LINGO2: variants seen among roughly 807,000 people sequenced by gnomAD.
LINGO2 encodes leucine-rich repeat and immunoglobulin-like domain-containing nogo receptor-interacting protein 2.
LINGO2 carries 14 observed loss-of-function variants against 30.6 expected under a neutral mutation model. The ratio of observed to expected loss-of-function variants is 0.46; its 90% CI spans 0.30 to 0.72. The LOEUF (loss-of-function observed/expected upper bound fraction) is 0.72, where lower values mean the gene tolerates loss of function less well. Ranked by LOEUF, LINGO2 falls within the 30% of genes least tolerant of loss-of-function variation. The probability of loss-of-function intolerance (pLI) is 0.07; values close to 1 mark genes in which losing one functional copy is unlikely to be tolerated. For missense variants in LINGO2, 729 were observed against 751.7 expected, an observed-to-expected ratio of 0.97 and a Z score of 0.35; for synonymous variants, 317 against 288.5, an observed-to-expected ratio of 1.10 and a Z score of -1.00.
At chr9:28,322,438 T>TACACACACAC (rs61397051) in intron 3 of LINGO2, among the ~76,000 whole-genome samples, 2 of 150,580 alleles carry the variant, frequency 1.3e-5, no homozygotes, top group African/African-American at 4.9e-5. Context: ...AGGCACTCAG[T>TACACACACAC]ACACACACAC....
chr9:28,275,946 G>A (rs1355807804), intron 4 of LINGO2, among the ~76,000 whole-genome samples: 1 of 152,088 alleles, frequency 6.6e-6, no homozygotes, highest in East Asian at 1.9e-4. Flanking sequence ...ATTTGATCTG[G>A]AGTTCTGGCT....
At chr9:29,033,939 G>A in the LINGO2 span, among the ~76,000 whole-genome samples, 1 of 151,828 alleles carries the variant, frequency 6.6e-6, no homozygotes, top group Non-Finnish European at 1.5e-5. Context: ...AAAATTAGCT[G>A]GGCATGGTGG....
At chr9:28,991,885 C>A in the LINGO2 span, among the ~76,000 whole-genome samples, 38 of 151,344 alleles carry the variant, frequency 2.5e-4, no homozygotes, top group African/African-American at 8.5e-4. Context: ...CGGAAAGGAA[C>A]AATCGGTACC....
intron 2 of LINGO2, among the ~76,000 whole-genome samples, chr9:28,437,044 A>G (rs1823976463): frequency 6.6e-6 from 1 of 152,194 alleles, no homozygotes; most frequent in African/African-American, 2.4e-5. Context: ...ACTTGACTGC[A>G]TTAAGGAATA....
At chr9:28,003,332 T>C (rs1197921) in intron 5 of LINGO2, among the ~76,000 whole-genome samples, 1,504 of 135,344 alleles carry the variant, frequency 0.011, 30 homozygotes, top group African/African-American at 0.041. Flanking sequence ...ACCATATAGA[T>C]ATATAGATAT....
At chr9:28,773,830 T>C in the LINGO2 span, among the ~76,000 whole-genome samples, 1 of 152,098 alleles carries the variant, frequency 6.6e-6, no homozygotes. Context: ...AATGTGGATG[T>C]TTTTCAGTCC....
the LINGO2 span, among the ~76,000 whole-genome samples, chr9:29,009,096 T>C: frequency 6.6e-6 from 1 of 152,138 alleles, no homozygotes; most frequent in African/African-American, 2.4e-5. Flanking sequence ...GGGCAAAAAC[T>C]GGAAGCATTC....
the LINGO2 span, among the ~76,000 whole-genome samples, chr9:28,865,864 C>A: frequency 6.6e-6 from 1 of 152,104 alleles, no homozygotes; most frequent in Non-Finnish European, 1.5e-5. Flanking sequence ...AATAACCATT[C>A]CAATCCAAAT....
rs373226227 is a variant in LINGO2 at position 28,317,349 on chromosome 9, C to T, written c.-245-21983G>A. On this transcript the variant is annotated intron_variant, in intron 3 of 5. Coordinates refer to ENST00000379992, the Ensembl canonical transcript of LINGO2. ...GAAGAAAAGTTTCTGATGAAGATTT[C>T]TCCCTAATTTGTGTCAAACAAATGT... Among the ~76,000 whole-genome samples the T allele has an allele frequency of 1.1e-4, 16 of 152,234 alleles. No individual in the cohort carries two copies. In the South Asian group the frequency reaches 3.1e-3, roughly 30 times the overall value.
chr9:28,427,476 C>T (rs775267358), intron 2 of LINGO2, among the ~76,000 whole-genome samples: 48 of 152,112 alleles, frequency 3.2e-4, no homozygotes, highest in Non-Finnish European at 6.2e-4. Flanking sequence ...TCACCATAAT[C>T]CCATGAGGGA....
chr9:28,809,061 G>T, the LINGO2 span, among the ~76,000 whole-genome samples: 1 of 152,138 alleles, frequency 6.6e-6, no homozygotes, highest in East Asian at 1.9e-4. Flanking sequence ...GGCTTTGCCT[G>T]CAGTATAAAC....
At chr9:27,953,226 T>C (rs773109979) in intron 5 of LINGO2, among the ~76,000 whole-genome samples, 5 of 152,124 alleles carry the variant, frequency 3.3e-5, no homozygotes, top group Non-Finnish European at 7.4e-5. Flanking sequence ...TTAATTGATA[T>C]AGTAGATTTA....
At chr9:28,851,941 G>A in the LINGO2 span, among the ~76,000 whole-genome samples, 1 of 151,738 alleles carries the variant, frequency 6.6e-6, no homozygotes, top group Admixed American at 6.6e-5. Context: ...CTCAAGAGGT[G>A]ACAATACTAG....
chr9:28,695,221 T>C, the LINGO2 span, among the ~76,000 whole-genome samples: 1 of 151,968 alleles, frequency 6.6e-6, no homozygotes, highest in South Asian at 2.1e-4. Flanking sequence ...AAAAACTTAG[T>C]ATATTCATTC....
At chr9:28,266,357 G>T (rs1822750830) in intron 4 of LINGO2, among the ~76,000 whole-genome samples, 1 of 151,984 alleles carries the variant, frequency 6.6e-6, no homozygotes. Context: ...TTTCAAGTGA[G>T]CTTTTCTGCC....
At chr9:29,022,692 T>C in the LINGO2 span, among the ~76,000 whole-genome samples, 4 of 152,178 alleles carry the variant, frequency 2.6e-5, no homozygotes, top group African/African-American at 7.2e-5. Flanking sequence ...TTTGTAAGTA[T>C]TGGAGTGGAT....
In LINGO2 at chr9:28,029,575, C is replaced by A. The variant is rs566900106; in HGVS notation, c.-86-17170G>T. ...TGAAAGGAACCACATTTATATCCTT[C>A]TAACCGTCAAAAATAAAATGAAGGA... is the stretch of plus-strand genomic sequence containing the variant. On this transcript the variant is annotated intron_variant, in intron 4 of 5. Transcript: ENST00000379992. 1.9e-3 allele frequency among the ~76,000 whole-genome samples: 284 copies of A among 152,238 alleles called. 1 individual carries two copies. Among genetic ancestry groups the A allele is most frequent in the Middle Eastern group, 0.014 (4 of 294 alleles).
the LINGO2 span, among the ~76,000 whole-genome samples, chr9:29,054,047 T>G: frequency 2.0e-5 from 3 of 152,218 alleles, no homozygotes; most frequent in Middle Eastern, 3.4e-3. Flanking sequence ...GGTGTATCTG[T>G]GAAATTTCTA....
the LINGO2 span, among the ~76,000 whole-genome samples, chr9:29,164,727 AACAC>A: frequency 6.6e-6 from 1 of 151,876 alleles, no homozygotes; most frequent in Non-Finnish European, 1.5e-5. Flanking sequence ...CACACACACA[AACAC>A]ACACATTCAT....
Sources: gnomAD v4.1 joint callset for allele counts (sites outside exome capture counted in the v4.1 genomes callset) on GRCh38, gnomAD v4.1.1 for gene constraint, MANE v1.5 for transcripts, NCBI Gene and HGNC (gene_info 2026-07-23, HGNC 2026-07-21) for gene names.